The following TRMT61A variants were observed in gnomAD, a reference collection of about 807,000 sequenced individuals.
TRMT61A encodes tRNA methyltransferase 61A, also known as tRNA (adenine(58)-N(1))-methyltransferase catalytic subunit TRMT61A.
TRMT61A carries 15 observed loss-of-function variants against 21.3 expected under a neutral mutation model. The ratio of observed to expected loss-of-function variants is 0.70; its 90% CI spans 0.47 to 1.08. The LOEUF (loss-of-function observed/expected upper bound fraction) is 1.08. Ranked by LOEUF, TRMT61A falls within the 50% of genes least tolerant of loss-of-function variation. TRMT61A has a pLI of 0.00. For synonymous variants in TRMT61A, 183 were observed against 185.5 expected (o/e 0.99, Z 0.11); for missense variants, 352 against 426.7 (o/e 0.83, Z 1.54).
rs376268180 is a variant in TRMT61A at position 103,534,265 on chromosome 14, G to A, written c.599-285G>A. 8.5e-5 allele frequency among the ~76,000 whole-genome samples: 13 copies of A among 152,384 alleles called. No homozygotes were observed. The East Asian group carries it at 2.3e-3, about 27-fold the overall frequency. On this transcript the variant is annotated intron_variant, in intron 3 of 3. Transcript: ENST00000389749. Reference sequence around the variant, plus strand: ...GAGAGCAGTGCCCGCTGTGGGCCAAGTGAGACAATGGCAGCGCGGGCTTGA... The same window carrying A: ...GAGAGCAGTGCCCGCTGTGGGCCAAATGAGACAATGGCAGCGCGGGCTTGA...
chr14:103,536,872 T>G lies in TRMT61A; in HGVS notation c.*2051T>G, dbSNP rs908798480. 1 of 152,076 alleles carries G rather than the reference T, an allele frequency of 6.6e-6. No homozygotes were observed. Among genetic ancestry groups the G allele is most frequent in the African/African-American group, 2.4e-5 (1 of 41,392 alleles). The allele number at this position is 152,076 out of a possible 1,614,324, so 9.4% of individuals were successfully genotyped here. ...CGGGAGGTCCCAGCCCACCCTTAGT[T>G]GTCACATGGGACAGAGTTGCTGTGT... On this transcript the variant is annotated 3_prime_UTR_variant, in exon 4 of 4. Transcript: ENST00000389749.
chr14:103,530,174 G>C lies in TRMT61A; in HGVS notation c.196G>C (p.Val66Leu). ...SKVTCGRGGW[V>L]YVLHPTPELW... is the part of the protein sequence containing the mutation. The stretch of plus-strand genomic sequence containing the variant: ...GGTGACGTGCGGCCGAGGTGGCTGG[G>C]TGTATGTGCTGCACCCCACGCCCGA... Residue 66 changes from valine (V) to leucine (L), a missense_variant, in exon 2 of 4, where the codon GTG becomes CTG. Transcript: ENST00000389749. 6.2e-7 allele frequency: 1 copy of C among 1,612,798 alleles called. No individual in the cohort carries two copies.
At position 103,532,865 on chromosome 14, in the gene TRMT61A, G is replaced by C. The variant is rs751950123; in HGVS notation, c.598+17G>C. The stretch of plus-strand genomic sequence containing the variant: ...AGGTCGAAGGTGCATCCGGGGTTCC[G>C]GGAGAGGTACAGCCTGGGTGGGGGT... On this transcript the variant is annotated intron_variant, in intron 3 of 3. Coordinates refer to ENST00000389749, the MANE Select transcript of TRMT61A (RefSeq NM_152307.3). 2 of 1,534,060 alleles carry C rather than the reference G, an allele frequency of 1.3e-6. No individual in the cohort carries two copies. Among genetic ancestry groups the C allele is most frequent in the African/African-American group, 1.4e-5 (1 of 72,904 alleles).
At chr14:103,532,952 C>T in intron 3 of TRMT61A, 104 bp downstream of exon 3, 1 of 1,414,440 alleles carries the variant, frequency 7.1e-7, no homozygotes, top group Non-Finnish European at 9.4e-7. Flanking sequence ...CAAGCCACAC[C>T]ATGGCAGTGG....
chr14:103,533,983 T>C (rs1196799730), intron 3 of TRMT61A, among the ~76,000 whole-genome samples: 1 of 152,154 alleles, frequency 6.6e-6, no homozygotes, highest in African/African-American at 2.4e-5. Flanking sequence ...CCCCAGGTCC[T>C]CCCTGCCAGG....
In TRMT61A at chr14:103,532,902, G is replaced by A. The variant is rs2075959773; in HGVS notation, c.598+54G>A. 4.7e-6 allele frequency: 7 copies of A among 1,494,392 alleles called. No homozygotes were observed. In the Admixed American group the frequency reaches 1.0e-4, roughly 22 times the overall value. The allele number at this position is 1,494,392 out of a possible 1,614,324, so 92.6% of individuals were successfully genotyped here. A position where few individuals can be genotyped will look rare whatever the true frequency, so the allele number is the denominator to read the frequency against. On this transcript the variant is annotated intron_variant, in intron 3 of 3. Coordinates refer to ENST00000389749, the MANE Select transcript of TRMT61A (RefSeq NM_152307.3). ...GCCTGGGTGGGGGTGGGGCAAGGGT[G>A]CAGGACTGAGCTCCTGGGATCTCAG...
Position 103,532,714 on chromosome 14 carries a change from G to A in TRMT61A, c.464G>A (p.Arg155His), listed in dbSNP as rs542612707. The A allele has an allele frequency of 9.3e-6, 15 of 1,612,176 alleles. No homozygotes were observed. Among genetic ancestry groups the A allele is most frequent in the Admixed American group, 8.3e-5 (5 of 59,892 alleles). Residue 155 changes from arginine (R) to histidine (H), a missense_variant, in exon 3 of 4, where the codon CGC becomes CAC. By Grantham distance (29) the Arg-to-His change is conservative. Coordinates refer to ENST00000389749, the MANE Select transcript of TRMT61A (RefSeq NM_152307.3). ...GAGTTCCAGGAGCACCGTGTGGGCC[G>A]CTGGGTGACTGTGCGCACCCAGGAC... ...REEFQEHRVGRWVTVRTQDVC... is the reference protein window; with the variant it reads ...REEFQEHRVGHWVTVRTQDVC...
At position 103,534,825 on chromosome 14, in the gene TRMT61A, G is replaced by C. The variant is rs924076688; in HGVS notation, c.*4G>C. 10 of 1,543,634 alleles carry C rather than the reference G, an allele frequency of 6.5e-6. No homozygotes were observed. The highest frequency in any genetic ancestry group is 8.7e-6 in the Non-Finnish European group (10 of 1,147,464). On this transcript the variant is annotated 3_prime_UTR_variant, in exon 4 of 4. Coordinates refer to ENST00000389749, the MANE Select transcript of TRMT61A (RefSeq NM_152307.3). ...CGCCACCAAGACCCCAGGCTAGGGGGCCGCCTCCCAGGGCACCAGGGAGCT... is the reference window on the plus strand; with the variant it reads ...CGCCACCAAGACCCCAGGCTAGGGGCCCGCCTCCCAGGGCACCAGGGAGCT...
chr14:103,532,287 C>T (rs928897353), intron 2 of TRMT61A, among the ~76,000 whole-genome samples: 5 of 152,280 alleles, frequency 3.3e-5, no homozygotes, highest in Non-Finnish European at 5.9e-5. Flanking sequence ...CCTATACCTG[C>T]GCTAGGCAGG....
intron 3 of TRMT61A, 58 bp downstream of exon 3, chr14:103,532,906 G>T: frequency 6.7e-7 from 1 of 1,493,258 alleles, no homozygotes; most frequent in South Asian, 1.3e-5. Context: ...AAGGGTGCAG[G>T]ACTGAGCTCC....
rs989997144 is a variant in TRMT61A, at chr14:103,535,390, C to A, written c.*569C>A. On this transcript the variant is annotated 3_prime_UTR_variant, in exon 4 of 4. Transcript: ENST00000389749. ...CCAGCCCAGGAACCAGGGAGGTGAC[C>A]CTGCTCTCTGGCCTCCTGGCTGATG... The A allele has an allele frequency of 4.4e-6, 2 of 455,470 alleles. No individual in the cohort carries two copies. The highest frequency in any genetic ancestry group is 8.8e-6 in the Non-Finnish European group (2 of 226,444). 28.2% of individuals were successfully genotyped at this position (455,470 alleles called of 1,614,324 possible). A position where few individuals can be genotyped will look rare whatever the true frequency, so the allele number is the denominator to read the frequency against.
chr14:103,534,957 AGAGT>A lies in TRMT61A; in HGVS notation c.*138_*141del. The A allele has an allele frequency of 9.0e-7, 1 of 1,112,394 alleles. No homozygotes were observed. 68.9% of individuals were successfully genotyped at this position (1,112,394 alleles called of 1,614,324 possible). On this transcript the variant is annotated 3_prime_UTR_variant, in exon 4 of 4. Coordinates refer to ENST00000389749, the MANE Select transcript of TRMT61A (RefSeq NM_152307.3). ...GGGCTTGGGGGCCTCCTGGGTGGCC[AGAGT>A]GGGACAGCAGGAAGGGCGGCTGTGA...
At chr14:103,532,929 G>A in intron 3 of TRMT61A, 81 bp downstream of exon 3, 1 of 1,465,810 alleles carries the variant, frequency 6.8e-7, no homozygotes, top group African/African-American at 1.4e-5. Context: ...GGATCTCAGA[G>A]GGGTCCAGAG....
intron 3 of TRMT61A, among the ~76,000 whole-genome samples, chr14:103,534,166 C>T (rs977308430): frequency 1.9e-4 from 29 of 152,244 alleles, no homozygotes; most frequent in Non-Finnish European, 3.5e-4. Flanking sequence ...AGCAGCGGCC[C>T]CCGCACCGCC....
rs376660789 is a variant in TRMT61A, at chr14:103,532,704, C to A, written c.454C>A (p.Arg152Ser). 1.1e-5 allele frequency: 18 copies of A among 1,612,782 alleles called. No homozygotes were observed. In the Admixed American group the frequency reaches 3.0e-4, roughly 27 times the overall value. The change falls in exon 3 of 4, where the codon CGT becomes AGT. Residue 152 changes from arginine (R) to serine (S), a missense_variant. Transcript: ENST00000389749. ...EKAREEFQEH[R>S]VGRWVTVRTQ... Reference sequence around the variant, plus strand: ...GGCCCGGGAGGAGTTCCAGGAGCACCGTGTGGGCCGCTGGGTGACTGTGCG... The same window carrying A: ...GGCCCGGGAGGAGTTCCAGGAGCACAGTGTGGGCCGCTGGGTGACTGTGCG...
At chr14:103,530,696 C>G (rs188033302) in intron 2 of TRMT61A, among the ~76,000 whole-genome samples, 1 of 152,222 alleles carries the variant, frequency 6.6e-6, no homozygotes, top group Non-Finnish European at 1.5e-5. Flanking sequence ...AGGGCTACCC[C>G]GAGGAGCTCA....
chr14:103,534,772 C>A lies in TRMT61A; in HGVS notation c.821C>A (p.Ala274Asp). ...PFRSGTPMKE[A>D]VGHTGYLTFA... ...CGCAGCGGCACGCCCATGAAGGAGGCCGTGGGCCACACCGGCTACCTGACC... is the reference window on the plus strand; with the variant it reads ...CGCAGCGGCACGCCCATGAAGGAGGACGTGGGCCACACCGGCTACCTGACC... Residue 274 changes from alanine (A) to aspartate (D), a missense_variant, in exon 4 of 4, where the codon GCC (alanine) becomes GAC (aspartate). Ala to Asp is a moderately radical substitution (Grantham distance 126). Coordinates refer to ENST00000389749, the MANE Select transcript of TRMT61A (RefSeq NM_152307.3). 6.4e-7 allele frequency: 1 copy of A among 1,572,778 alleles called. No homozygotes were observed. The highest frequency in any genetic ancestry group is 1.1e-5 in the South Asian group (1 of 87,370).
rs776115273 is a variant in TRMT61A at position 103,534,776 on chromosome 14, G to A, written c.825G>A (p.Val275=). ...GCGGCACGCCCATGAAGGAGGCCGT[G>A]GGCCACACCGGCTACCTGACCTTCG... is the stretch of plus-strand genomic sequence containing the variant. The part of the protein sequence containing the change: ...FRSGTPMKEA[V]GHTGYLTFAT... Residue 275 remains valine, a synonymous_variant, in exon 4 of 4, where the codon GTG becomes GTA. Coordinates refer to ENST00000389749, the MANE Select transcript of TRMT61A (RefSeq NM_152307.3). 2.6e-6 allele frequency: 4 copies of A among 1,568,362 alleles called. No individual in the cohort carries two copies. Among genetic ancestry groups the A allele is most frequent in the Non-Finnish European group, 3.4e-6 (4 of 1,160,074 alleles).
chr14:103,530,015 G>A lies in TRMT61A; in HGVS notation c.37G>A (p.Gly13Ser). 2 of 1,612,186 alleles carry A rather than the reference G, an allele frequency of 1.2e-6. No individual in the cohort carries two copies. The highest frequency in any genetic ancestry group is 3.3e-5 in the Admixed American group (2 of 60,002). ...FVAYEELIKE[G>S]DTAILSLGHG... is the part of the protein sequence containing the mutation. ...GGCATACGAGGAGCTGATCAAGGAG[G>A]GTGACACGGCCATCCTGTCACTGGG... Residue 13 changes from glycine (G) to serine (S), a missense_variant, in exon 2 of 4, where the codon GGT (glycine) becomes AGT (serine). Transcript: ENST00000389749.
Sources: allele counts gnomAD v4.1 joint callset (sites outside exome capture counted in the v4.1 genomes callset), GRCh38; gene constraint gnomAD v4.1.1; transcripts MANE v1.5; gene names NCBI Gene and HGNC (gene_info 2026-07-23, HGNC 2026-07-21).